Variants in NCKAP5 observed in about 807,000 individuals in gnomAD.
NCKAP5 encodes the protein nck-associated protein 5.
A neutral mutation model predicts 167.0 loss-of-function variants in NCKAP5; 92 were observed. The observed-to-expected ratio is 0.55, with a 90% CI of 0.47 to 0.66. The LOEUF is 0.66. NCKAP5 is among the 30% of genes least tolerant of loss of function. NCKAP5 has a pLI of 0.00. For synonymous variants in NCKAP5, 891 were observed against 877.4 expected, an observed-to-expected ratio of 1.02 and a Z score of -0.27; for missense variants, 2,378 against 2,315.0, an observed-to-expected ratio of 1.03 and a Z score of -0.56.
At chr2:132,874,322 C>A (rs1691089697) in intron 9 of NCKAP5, among the ~76,000 whole-genome samples, 2 of 151,994 alleles carry the variant, frequency 1.3e-5, no homozygotes, top group Non-Finnish European at 2.9e-5. Context: ...GTTGGCTAGG[C>A]TGGTCTCGCA....
At chr2:133,416,325 C>G (rs1485078657) in intron 3 of NCKAP5, among the ~76,000 whole-genome samples, 2 of 152,142 alleles carry the variant, frequency 1.3e-5, no homozygotes, top group Admixed American at 6.5e-5. Context: ...GGAAATTTCC[C>G]ACATGGGCTT....
At chr2:133,213,808 G>A (rs546199172) in intron 4 of NCKAP5, 29 bp from the exon 5 acceptor site, 2 of 1,611,266 alleles carry the variant, frequency 1.2e-6, no homozygotes, top group East Asian at 4.5e-5. Context: ...ATGATTAGTT[G>A]ACCATTCTCA....
intron 4 of NCKAP5, among the ~76,000 whole-genome samples, chr2:133,288,114 T>A (rs939387618): frequency 6.6e-6 from 1 of 152,234 alleles, no homozygotes; most frequent in African/African-American, 2.4e-5. Context: ...ATTTCAGGGC[T>A]GACTTCCTGG....
intron 16 of NCKAP5, among the ~76,000 whole-genome samples, chr2:132,743,329 C>T (rs1679365459): frequency 1.3e-5 from 2 of 151,628 alleles, no homozygotes; most frequent in Admixed American, 6.6e-5. Flanking sequence ...GAATGGAGAA[C>T]ACTAGAAATA....
intron 7 of NCKAP5, among the ~76,000 whole-genome samples, chr2:132,970,031 A>C (rs2076786696): frequency 6.6e-6 from 1 of 152,308 alleles, no homozygotes; most frequent in Admixed American, 6.5e-5. Context: ...AAAAGAAACA[A>C]ATAGGTGGAG....
chr2:133,631,666 A>G, the NCKAP5 span, among the ~76,000 whole-genome samples: 5 of 152,218 alleles, frequency 3.3e-5, no homozygotes, highest in African/African-American at 1.2e-4. Flanking sequence ...ACAATAACTT[A>G]GACTTTGGAA....
chr2:133,346,009 G>C (rs1337362171), intron 3 of NCKAP5, among the ~76,000 whole-genome samples: 1 of 152,168 alleles, frequency 6.6e-6, no homozygotes, highest in East Asian at 1.9e-4. Context: ...ATTCAGGACT[G>C]AACCTGAAAG....
At chr2:133,341,960 A>G (rs1397310522) in intron 3 of NCKAP5, among the ~76,000 whole-genome samples, 10 of 151,702 alleles carry the variant, frequency 6.6e-5, no homozygotes. Flanking sequence ...TTTTTTTGAG[A>G]CGGAGTCTCA....
chr2:133,521,499 C>A (rs564729905), intron 2 of NCKAP5, among the ~76,000 whole-genome samples: 1 of 152,228 alleles, frequency 6.6e-6, no homozygotes, highest in Non-Finnish European at 1.5e-5. Context: ...ACAGACTGAG[C>A]GGATTACACA....
At chr2:133,047,609 C>T (rs72996883) in intron 6 of NCKAP5, among the ~76,000 whole-genome samples, 7,819 of 152,166 alleles carry the variant, frequency 0.051, 656 homozygotes, top group African/African-American at 0.18. Flanking sequence ...CTCCTAATTG[C>T]CTGGATGATA....
intron 3 of NCKAP5, among the ~76,000 whole-genome samples, chr2:133,316,517 TGAG>T (rs1307338054): frequency 6.6e-6 from 1 of 152,206 alleles, no homozygotes; most frequent in Non-Finnish European, 1.5e-5. Context: ...TCCTGCAGTG[TGAG>T]GAGATTATAC....
At chr2:133,376,536 G>A (rs965296001) in intron 3 of NCKAP5, among the ~76,000 whole-genome samples, 3 of 152,078 alleles carry the variant, frequency 2.0e-5, no homozygotes, top group Non-Finnish European at 4.4e-5. Context: ...CACTGAGACC[G>A]TGGCAGTGAC....
chr2:132,675,993 C>G (rs1208856433), intron 19 of NCKAP5, among the ~76,000 whole-genome samples: 4 of 152,146 alleles, frequency 2.6e-5, no homozygotes, highest in Non-Finnish European at 4.4e-5. Flanking sequence ...CATTCAGTCT[C>G]TAGGCAGAGC....
chr2:133,539,896 A>G (rs1406633370), intron 2 of NCKAP5, among the ~76,000 whole-genome samples: 1 of 152,100 alleles, frequency 6.6e-6, no homozygotes, highest in African/African-American at 2.4e-5. Context: ...AAAATACTAT[A>G]CAGGCTGGGC....
At chr2:132,975,669 G>A (rs935069894) in intron 7 of NCKAP5, among the ~76,000 whole-genome samples, 3 of 152,046 alleles carry the variant, frequency 2.0e-5, no homozygotes, top group East Asian at 1.9e-4. Flanking sequence ...TGTAGCCCAC[G>A]GGTAGTTGTT....
intron 8 of NCKAP5, among the ~76,000 whole-genome samples, chr2:132,884,714 G>C (rs1692074806): frequency 2.6e-5 from 4 of 152,082 alleles, no homozygotes; most frequent in Admixed American, 2.6e-4. Context: ...GCAGTACAAG[G>C]GATAATGGGA....
chr2:132,963,029 T>C (rs1303381269), intron 8 of NCKAP5, among the ~76,000 whole-genome samples: 1 of 150,688 alleles, frequency 6.6e-6, no homozygotes, highest in Non-Finnish European at 1.5e-5. Context: ...AAAAAAAAAA[T>C]CTTTGCTGAG....
chr2:132,798,021 G>A (rs1684741329), intron 11 of NCKAP5, among the ~76,000 whole-genome samples: 1 of 152,140 alleles, frequency 6.6e-6, no homozygotes, highest in African/African-American at 2.4e-5. Flanking sequence ...CTCCTTCTCA[G>A]TGGACCTTCA....
At chr2:133,136,436 G>C (rs2082788447) in intron 5 of NCKAP5, among the ~76,000 whole-genome samples, 1 of 152,168 alleles carries the variant, frequency 6.6e-6, no homozygotes, top group African/African-American at 2.4e-5. Context: ...CATAACAAGA[G>C]GCACGTCCCA....
Sources: gnomAD v4.1 joint callset for allele counts (sites outside exome capture counted in the v4.1 genomes callset) on GRCh38, gnomAD v4.1.1 for gene constraint, MANE v1.5 for transcripts, NCBI Gene and HGNC (gene_info 2026-07-23, HGNC 2026-07-21) for gene names.